Variants in CACNA2D3 observed in about 807,000 individuals in gnomAD.
The protein encoded by CACNA2D3 is voltage-dependent calcium channel subunit alpha-2/delta-3.
A neutral mutation model predicts 160.6 loss-of-function variants in CACNA2D3; 60 were observed. The ratio of observed to expected loss-of-function variants is 0.37; its 90% CI spans 0.30 to 0.46. The LOEUF is 0.46. Among genes scored for constraint, CACNA2D3 ranks in the 20% least tolerant of loss-of-function variants. The pLI, the probability that CACNA2D3 is intolerant of heterozygous loss-of-function variation, is 1.00. For synonymous variants in CACNA2D3, 558 were observed against 492.9 expected, an observed-to-expected ratio of 1.13 and a Z score of -1.75; for missense variants, 1,205 against 1,365.0, an observed-to-expected ratio of 0.88 and a Z score of 1.85.
intron 11 of CACNA2D3, among the ~76,000 whole-genome samples, chr3:54,728,981 T>C (rs1701330966): frequency 6.6e-6 from 1 of 152,202 alleles, no homozygotes; most frequent in Non-Finnish European, 1.5e-5. Flanking sequence ...AGGGAGAAAT[T>C]GTCTGCAGAA....
chr3:54,937,161 T>A (rs1701350012), intron 27 of CACNA2D3, among the ~76,000 whole-genome samples: 2 of 152,208 alleles, frequency 1.3e-5, no homozygotes, highest in Admixed American at 1.3e-4. Context: ...CTCAAGGGAC[T>A]CTCATTCTGG....
At chr3:54,751,066 A>G (rs1378003525) in intron 11 of CACNA2D3, among the ~76,000 whole-genome samples, 1 of 152,148 alleles carries the variant, frequency 6.6e-6, no homozygotes, top group Middle Eastern at 3.4e-3. Context: ...CACTGCGCTC[A>G]GCTGGATCTT....
chr3:55,051,568 G>C (rs1398692198), intron 35 of CACNA2D3, among the ~76,000 whole-genome samples: 1 of 151,742 alleles, frequency 6.6e-6, no homozygotes, highest in Non-Finnish European at 1.5e-5. Flanking sequence ...GTTTGTCTGT[G>C]CCCTCCCTCC....
chr3:54,179,824 C>T (rs140726766), intron 2 of CACNA2D3, among the ~76,000 whole-genome samples: 42 of 152,204 alleles, frequency 2.8e-4, no homozygotes, highest in African/African-American at 9.1e-4. Flanking sequence ...AATTGGCCAG[C>T]GACTTGATCT....
intron 9 of CACNA2D3, among the ~76,000 whole-genome samples, chr3:54,606,368 T>C (rs528405890): frequency 1.9e-4 from 29 of 151,606 alleles, no homozygotes; most frequent in Non-Finnish European, 3.7e-4. Flanking sequence ...CTGGGGAAGG[T>C]AGAGGTAGGA....
chr3:54,343,239 C>G (rs1295579980), intron 3 of CACNA2D3, among the ~76,000 whole-genome samples: 1 of 152,112 alleles, frequency 6.6e-6, no homozygotes, highest in African/African-American at 2.4e-5. Context: ...GGGCCCTACC[C>G]TGGAGAGTTG....
At chr3:54,218,015 G>C (rs1304957269) in intron 2 of CACNA2D3, among the ~76,000 whole-genome samples, 1 of 151,684 alleles carries the variant, frequency 6.6e-6, no homozygotes, top group African/African-American at 2.4e-5. Context: ...GTGTATTCGG[G>C]AGAGAGAGAG....
At chr3:54,145,734 C>G (rs1475434926) in intron 2 of CACNA2D3, among the ~76,000 whole-genome samples, 1 of 152,234 alleles carries the variant, frequency 6.6e-6, no homozygotes, top group Non-Finnish European at 1.5e-5. Flanking sequence ...GATAGACCAA[C>G]AGGCAACTTT....
At chr3:54,798,959 C>T (rs1360571618) in intron 13 of CACNA2D3, among the ~76,000 whole-genome samples, 3 of 152,158 alleles carry the variant, frequency 2.0e-5, no homozygotes, top group South Asian at 4.1e-4. Context: ...GTTATTGACT[C>T]CTTCTTTAAA....
chr3:54,211,570 A>T lies in CACNA2D3; in HGVS notation c.204+87976A>T, dbSNP rs553192328. ...CCCTACCTTGGAACCTTACCCCTGA[A>T]TGACACCATTACCTGCTCCTTACTA... On this transcript the variant is annotated intron_variant, in intron 2 of 37. Transcript: ENST00000474759. Among the ~76,000 whole-genome samples the T allele has an allele frequency of 2.0e-5, 3 of 152,254 alleles. No individual in the cohort carries two copies. In the East Asian group the frequency reaches 5.8e-4, roughly 29 times the overall value.
chr3:54,896,740 C>T lies in CACNA2D3; in HGVS notation c.2247-9C>T. ...GATGCATGTTCTTCTGATTCTTTTC[C>T]ACTTCAAGGGACTTCCTGAAAGCTG... On this transcript the variant is annotated splice_polypyrimidine_tract_variant and intron_variant, in intron 25 of 37. Transcript: ENST00000474759. 2 of 1,613,950 alleles carry T rather than the reference C, an allele frequency of 1.2e-6. No homozygotes were observed. The highest frequency in any genetic ancestry group is 1.7e-6 in the Non-Finnish European group (2 of 1,179,856).
chr3:54,317,829 G>A (rs747819153), intron 2 of CACNA2D3, among the ~76,000 whole-genome samples: 27 of 152,100 alleles, frequency 1.8e-4, no homozygotes, highest in Non-Finnish European at 2.9e-4. Context: ...GTGAACCACC[G>A]CACCTGGCCC....
chr3:54,148,180 T>A (rs963791561), intron 2 of CACNA2D3, among the ~76,000 whole-genome samples: 1 of 152,214 alleles, frequency 6.6e-6, no homozygotes, highest in African/African-American at 2.4e-5. Flanking sequence ...GCTCCAGATG[T>A]CTCCTTCATT....
chr3:54,581,799 G>T lies in CACNA2D3; in HGVS notation c.889-4G>T. ...TGTTCCTTCTTGACTTTTTTCCTTT[G>T]CAGTATAATGAGGAGCTTCACTATG... On this transcript the variant is annotated splice_region_variant and splice_polypyrimidine_tract_variant and intron_variant, in intron 8 of 37. Coordinates refer to ENST00000474759, the MANE Select transcript of CACNA2D3 (RefSeq NM_018398.3). 1.2e-6 allele frequency: 2 copies of T among 1,610,084 alleles called. No homozygotes were observed. The highest frequency in any genetic ancestry group is 1.7e-6 in the Non-Finnish European group (2 of 1,178,206).
intron 2 of CACNA2D3, among the ~76,000 whole-genome samples, chr3:54,292,899 C>T (rs1703244575): frequency 6.6e-6 from 1 of 152,148 alleles, no homozygotes; most frequent in South Asian, 2.1e-4. Flanking sequence ...CAGGATTATC[C>T]ACAATAGCCA....
At chr3:54,635,130 G>A (rs564062852) in intron 10 of CACNA2D3, among the ~76,000 whole-genome samples, 19 of 151,988 alleles carry the variant, frequency 1.3e-4, no homozygotes, top group Non-Finnish European at 2.4e-4. Flanking sequence ...GGGTGATATT[G>A]TGGGGTTGTT....
At chr3:54,748,558 G>A (rs1701799538) in intron 11 of CACNA2D3, among the ~76,000 whole-genome samples, 1 of 151,984 alleles carries the variant, frequency 6.6e-6, no homozygotes, top group Non-Finnish European at 1.5e-5. Context: ...TGAGCGAAGA[G>A]GCTGATGCAG....
At position 54,841,961 on chromosome 3, in the gene CACNA2D3, A is replaced by G. The variant is rs115482614; in HGVS notation, c.1551+3313A>G. ...CCTTGTGTCCGATCTGTTCTCCATT[A>G]CTCCATGGCACTGTACATTAGAATG... On this transcript the variant is annotated intron_variant, in intron 16 of 37. Transcript: ENST00000474759. 2.5e-3 allele frequency among the ~76,000 whole-genome samples: 387 copies of G among 152,142 alleles called. 3 individuals carry two copies. Among genetic ancestry groups the G allele is most frequent in the African/African-American group, 8.9e-3 (369 of 41,494 alleles).
At chr3:54,606,084 G>C (rs759221819) in intron 9 of CACNA2D3, among the ~76,000 whole-genome samples, 4 of 151,930 alleles carry the variant, frequency 2.6e-5, no homozygotes, top group Non-Finnish European at 4.4e-5. Context: ...TCAGGGGAAG[G>C]GGGCTTATCA....
Sources: allele counts gnomAD v4.1 joint callset (sites outside exome capture counted in the v4.1 genomes callset), GRCh38; gene constraint gnomAD v4.1.1; transcripts MANE v1.5; gene names NCBI Gene and HGNC (gene_info 2026-07-23, HGNC 2026-07-21).